The following SOX6 variants were observed in gnomAD, a reference collection of about 807,000 sequenced individuals.
The protein encoded by SOX6 is transcription factor SOX-6.
Under a neutral mutation model 97.8 loss-of-function variants are expected in SOX6, and 11 were observed. That is an observed-to-expected ratio of 0.11 (90% CI 0.07 to 0.19). The LOEUF is 0.19. Among genes scored for constraint, SOX6 ranks in the 10% least tolerant of loss-of-function variants. SOX6 has a pLI of 1.00. For missense variants in SOX6, 810 were observed against 1,039.5 expected, an observed-to-expected ratio of 0.78 and a Z score of 3.04; for synonymous variants, 360 against 371.4, an observed-to-expected ratio of 0.97 and a Z score of 0.35.
At chr11:16,035,824 C>T (rs1218097095) in intron 12 of SOX6, among the ~76,000 whole-genome samples, 1 of 152,128 alleles carries the variant, frequency 6.6e-6, no homozygotes, top group East Asian at 1.9e-4. Context: ...ATAAGCAGCA[C>T]TAAGACTGAA....
At chr11:16,341,344 A>C in intron 1 of SOX6, 92 bp from the exon 2 acceptor site, 1 of 1,518,502 alleles carries the variant, frequency 6.6e-7, no homozygotes, top group East Asian at 2.4e-5. Context: ...AAAGAAGGAA[A>C]GTTATTTAAC....
intron 4 of SOX6, among the ~76,000 whole-genome samples, chr11:16,577,985 C>T (rs1847998241): frequency 6.6e-6 from 1 of 152,050 alleles, no homozygotes; most frequent in Non-Finnish European, 1.5e-5. Flanking sequence ...ATCTAAGAAA[C>T]TATTGCCTAT....
chr11:16,296,147 C>T (rs1264634835), intron 3 of SOX6, among the ~76,000 whole-genome samples: 3 of 152,024 alleles, frequency 2.0e-5, no homozygotes, highest in Non-Finnish European at 4.4e-5. Flanking sequence ...ATAGTATATG[C>T]TTTTTAAAAC....
At chr11:16,111,712 C>T in intron 7 of SOX6, 91 bp downstream of exon 7, 1 of 1,494,760 alleles carries the variant, frequency 6.7e-7, no homozygotes, top group Non-Finnish European at 9.3e-7. Context: ...TTCATAGTTC[C>T]CTGGCATGCT....
chr11:16,615,428 A>G (rs975126789), intron 3 of SOX6, among the ~76,000 whole-genome samples: 2 of 152,232 alleles, frequency 1.3e-5, no homozygotes, highest in Admixed American at 1.3e-4. Flanking sequence ...AAACTAAGCC[A>G]GGGTAGGAAT....
At chr11:16,431,523 C>A (rs1401420111) in intron 1 of SOX6, among the ~76,000 whole-genome samples, 1 of 151,756 alleles carries the variant, frequency 6.6e-6, no homozygotes. Context: ...GAATTTCTGG[C>A]CAAACTATAA....
chr11:16,317,017 T>C (rs1855774534), intron 3 of SOX6: 1 of 151,990 alleles, frequency 6.6e-6, no homozygotes, highest in Admixed American at 6.6e-5. Flanking sequence ...AAATTAGAAA[T>C]TATTTGCAAC....
intron 4 of SOX6, among the ~76,000 whole-genome samples, chr11:16,521,371 G>A (rs541421309): frequency 2.6e-5 from 4 of 152,118 alleles, no homozygotes; most frequent in Non-Finnish European, 5.9e-5. Flanking sequence ...AGGCAAACAG[G>A]GTCAGGAGTG....
At chr11:16,239,810 T>A (rs1853130924) in intron 3 of SOX6, among the ~76,000 whole-genome samples, 2 of 151,836 alleles carry the variant, frequency 1.3e-5, no homozygotes, top group Non-Finnish European at 2.9e-5. Context: ...TGCTCCACAC[T>A]CCCCTCTGGG....
intron 6 of SOX6, among the ~76,000 whole-genome samples, chr11:16,118,035 T>A (rs560406710): frequency 9.9e-5 from 15 of 152,186 alleles, no homozygotes; most frequent in Non-Finnish European, 2.1e-4. Flanking sequence ...ATCCTATAGA[T>A]GAAGAAGTAA....
At chr11:16,310,199 G>T (rs1272961329) in intron 3 of SOX6, among the ~76,000 whole-genome samples, 1 of 152,018 alleles carries the variant, frequency 6.6e-6, no homozygotes, top group Non-Finnish European at 1.5e-5. Flanking sequence ...GTAAATGGAG[G>T]TTGCAAAACA....
intron 7 of SOX6, among the ~76,000 whole-genome samples, chr11:16,102,026 C>G (rs1470369362): frequency 6.6e-6 from 1 of 151,812 alleles, no homozygotes; most frequent in African/African-American, 2.4e-5. Flanking sequence ...GAAGTCCTAG[C>G]AAGAGCAATG....
intron 4 of SOX6, among the ~76,000 whole-genome samples, chr11:16,540,003 A>G (rs547440171): frequency 1.1e-4 from 17 of 152,212 alleles, no homozygotes; most frequent in Non-Finnish European, 2.2e-4. Context: ...AAAGCTTGGC[A>G]GGGACACAAC....
At chr11:16,428,624 T>C (rs958858836) in intron 1 of SOX6, among the ~76,000 whole-genome samples, 1 of 152,190 alleles carries the variant, frequency 6.6e-6, no homozygotes, top group Non-Finnish European at 1.5e-5. Context: ...TTGTCATAGA[T>C]CAGATAGTTG....
intron 4 of SOX6, among the ~76,000 whole-genome samples, chr11:16,490,266 G>A (rs1469188623): frequency 6.6e-6 from 1 of 152,018 alleles, no homozygotes; most frequent in Non-Finnish European, 1.5e-5. Flanking sequence ...AACAGGTAGT[G>A]TGCCAGATTG....
intron 1 of SOX6, among the ~76,000 whole-genome samples, chr11:16,395,130 C>T (rs1308870902): frequency 6.6e-6 from 1 of 151,822 alleles, no homozygotes; most frequent in East Asian, 1.9e-4. Context: ...CTACATTCCT[C>T]TTCCTGATAA....
intron 2 of SOX6, among the ~76,000 whole-genome samples, chr11:16,728,082 C>A (rs888731329): frequency 2.0e-5 from 3 of 152,160 alleles, no homozygotes; most frequent in East Asian, 3.9e-4. Context: ...AAGGCAGCAG[C>A]CCCAGTGAGG....
At chr11:16,242,288 A>G (rs1359559824) in intron 3 of SOX6, among the ~76,000 whole-genome samples, 1 of 152,072 alleles carries the variant, frequency 6.6e-6, no homozygotes, top group African/African-American at 2.4e-5. Flanking sequence ...TGTTTAGTAC[A>G]GTAACATGCT....
intron 3 of SOX6, among the ~76,000 whole-genome samples, chr11:16,704,255 C>T (rs1848115195): frequency 6.6e-6 from 1 of 152,122 alleles, no homozygotes; most frequent in South Asian, 2.1e-4. Context: ...AGTTTCCCTT[C>T]TGGAAATACA....
Sources: allele counts gnomAD v4.1 joint callset (sites outside exome capture counted in the v4.1 genomes callset), GRCh38; gene constraint gnomAD v4.1.1; transcripts MANE v1.5; gene names NCBI Gene and HGNC (gene_info 2026-07-23, HGNC 2026-07-21).